Variants in ARHGAP6 observed in about 807,000 individuals in gnomAD.
The protein encoded by ARHGAP6 is Rho GTPase activating protein 6.
Under a neutral mutation model 55.7 loss-of-function variants are expected in ARHGAP6, and 16 were observed. That is an observed-to-expected ratio of 0.29 (90% CI 0.19 to 0.44). ARHGAP6 has a LOEUF of 0.44. Ranked by LOEUF, ARHGAP6 falls within the 20% of genes least tolerant of loss-of-function variation. ARHGAP6 has a pLI of 1.00. For synonymous variants in ARHGAP6, 382 were observed against 360.9 expected, an observed-to-expected ratio of 1.06 and a Z score of -0.66; for missense variants, 698 against 808.9, an observed-to-expected ratio of 0.86 and a Z score of 1.66.
intron 1 of ARHGAP6, among the ~76,000 whole-genome samples, chrX:11,279,156 T>C (rs929328173): frequency 2.7e-5 from 3 of 112,044 alleles, no homozygotes; most frequent in African/African-American, 6.5e-5. Flanking sequence ...GTTTTTCTAT[T>C]GCCAGAATTT....
chrX:11,625,945 A>G (rs1158391651), intron 1 of ARHGAP6, among the ~76,000 whole-genome samples: 1 of 111,941 alleles, frequency 8.9e-6, no homozygotes, highest in Non-Finnish European at 1.9e-5. Context: ...TATTCTCAAC[A>G]CATTTTCACA....
intron 1 of ARHGAP6, among the ~76,000 whole-genome samples, chrX:11,365,920 T>G (rs192004735): frequency 1.8e-5 from 2 of 112,437 alleles, no homozygotes; most frequent in East Asian, 5.6e-4. Context: ...GAGATCATGG[T>G]GCCAGCAGAG....
chrX:11,272,984 C>T (rs966319908), intron 1 of ARHGAP6, among the ~76,000 whole-genome samples: 1 of 111,776 alleles, frequency 8.9e-6, no homozygotes, highest in Non-Finnish European at 1.9e-5. Flanking sequence ...CCTCAATTAC[C>T]TGCTCTGTAA....
chrX:11,166,886 A>C (rs756206438), intron 9 of ARHGAP6, among the ~76,000 whole-genome samples: 42 of 111,889 alleles, frequency 3.8e-4, no homozygotes, highest in Non-Finnish European at 4.5e-4. Context: ...CTTTTCATAG[A>C]CCAAGACTTG....
At position 11,265,778 on chromosome X, in the gene ARHGAP6, A is replaced by AT. The variant is rs779033736; in HGVS notation, c.589-11072dup. 203 of 928,042 alleles carry AT rather than the reference A, an allele frequency of 2.2e-4. No individual in the cohort carries two copies. The African/African-American group carries it at 3.9e-3, about 18-fold the overall frequency. 76.5% of individuals were successfully genotyped at this position (928,042 alleles called of 1,213,427 possible). On this transcript the variant is annotated intron_variant, in intron 1 of 12. Coordinates refer to ENST00000337414, the MANE Select transcript of ARHGAP6 (RefSeq NM_013427.3). ...AAGTTGAGTCTGTTTTAAAAAAATT[A>AT]TTTTTTTGGTAAAAAATGCATCCTG...
chrX:11,156,565 A>G lies in ARHGAP6; in HGVS notation c.1871T>C (p.Val624Ala). The G allele has an allele frequency of 8.3e-7, 1 of 1,211,706 alleles. No homozygotes were observed. The highest frequency in any genetic ancestry group is 1.1e-6 in the Non-Finnish European group (1 of 895,327). ...ISLLETDPDVVDYLLRRKASQ... is the reference protein window; with the variant it reads ...ISLLETDPDVADYLLRRKASQ... Reference sequence around the variant, plus strand: ...AGCCTTTCTTCTGAGTAAATAGTCCACGACATCAGGATCGGTCTCTAACAG... The same window carrying G: ...AGCCTTTCTTCTGAGTAAATAGTCCGCGACATCAGGATCGGTCTCTAACAG... The change falls in exon 10 of 13, where the codon GTG becomes GCG. Residue 624 changes from valine (V) to alanine (A), a missense_variant. Val to Ala is a moderately conservative substitution (Grantham distance 64). Around this residue, in one of 3 missense-constraint regions of ARHGAP6, gnomAD observed 322 missense variants for 451.1 expected, o/e 0.71. Transcript: ENST00000337414.
rs759083863 is a variant in ARHGAP6 at position 11,263,044 on chromosome X, G to T, written c.589-8337C>A. 3.6e-5 allele frequency among the ~76,000 whole-genome samples: 4 copies of T among 110,671 alleles called. No homozygotes were observed. In the East Asian group the frequency reaches 1.1e-3, roughly 32 times the overall value. ...TTTGCATCACCATCTGATGTGGTTT[G>T]GATGTTTGTCCCCTCCAAATCTCAT... On this transcript the variant is annotated intron_variant, in intron 1 of 12. Coordinates refer to ENST00000337414, the MANE Select transcript of ARHGAP6 (RefSeq NM_013427.3).
chrX:11,227,730 C>T (rs1345294964), intron 2 of ARHGAP6, among the ~76,000 whole-genome samples: 1 of 110,636 alleles, frequency 9.0e-6, no homozygotes, highest in Non-Finnish European at 1.9e-5. Flanking sequence ...TGAAGGAACT[C>T]ACCGTTACTC....
intron 1 of ARHGAP6, among the ~76,000 whole-genome samples, chrX:11,495,716 C>T (rs1487001694): frequency 1.8e-5 from 2 of 112,059 alleles, no homozygotes; most frequent in Admixed American, 9.5e-5. Flanking sequence ...TCCCTTTGAG[C>T]GTGAGCTGGT....
intron 1 of ARHGAP6, among the ~76,000 whole-genome samples, chrX:11,590,866 G>GAAAAGAAAAGAAAAGAAAAGAA: frequency 2.2e-5 from 1 of 46,199 alleles, no homozygotes; most frequent in Non-Finnish European, 3.9e-5. Flanking sequence ...GAAAAGAAAA[G>GAAAAGAAAAGAAAAGAAAAGAA]AAGGAAAGAA....
At chrX:11,575,516 T>C (rs917357893) in intron 1 of ARHGAP6, among the ~76,000 whole-genome samples, 1 of 111,341 alleles carries the variant, frequency 9.0e-6, no homozygotes, top group African/African-American at 3.3e-5. Context: ...TACCAGAGGT[T>C]AGAAAGACAG....
In ARHGAP6 at chrX:11,370,893, AAAC is replaced by A. The variant is rs751345129; in HGVS notation, c.589-116189_589-116187del. On this transcript the variant is annotated intron_variant, in intron 1 of 12. Coordinates refer to ENST00000337414, the MANE Select transcript of ARHGAP6 (RefSeq NM_013427.3). ...CAGGTCATTTTCAAAGTATGCTTAC[AAAC>A]AACAACAACAACAACAACAACAACA... Among the ~76,000 whole-genome samples, 873 of 110,110 alleles carry A rather than the reference AAAC, an allele frequency of 7.9e-3. 6 individuals are homozygous for A. Among genetic ancestry groups the A allele is most frequent in the African/African-American group, 0.026 (779 of 30,322 alleles).
chrX:11,584,383 C>A (rs1670433207), intron 1 of ARHGAP6, among the ~76,000 whole-genome samples: 1 of 111,842 alleles, frequency 8.9e-6, no homozygotes, highest in Non-Finnish European at 1.9e-5. Flanking sequence ...CACTAAAAGT[C>A]TATGGGGGAG....
intron 1 of ARHGAP6, among the ~76,000 whole-genome samples, chrX:11,404,154 C>T (rs912496981): frequency 2.7e-5 from 3 of 111,682 alleles, no homozygotes; most frequent in East Asian, 2.8e-4. Context: ...GAGGCAAAGC[C>T]GTCTTCCTCA....
chrX:11,450,537 C>T (rs895511522), intron 1 of ARHGAP6, among the ~76,000 whole-genome samples: 1 of 111,581 alleles, frequency 9.0e-6, no homozygotes, highest in Non-Finnish European at 1.9e-5. Context: ...TGAGCCTGCC[C>T]TTTGTAATGC....
chrX:11,450,316 G>T (rs1307492900), intron 1 of ARHGAP6, among the ~76,000 whole-genome samples: 1 of 111,134 alleles, frequency 9.0e-6, no homozygotes, highest in Admixed American at 9.6e-5. Context: ...TAAAAAAACA[G>T]CTTGTTGGGC....
At chrX:11,579,862 G>A (rs1040356296) in intron 1 of ARHGAP6, among the ~76,000 whole-genome samples, 8 of 112,026 alleles carry the variant, frequency 7.1e-5, no homozygotes, top group African/African-American at 1.6e-4. Flanking sequence ...TCAAAACTGC[G>A]TCAGGAGACA....
chrX:11,588,027 G>C (rs1402367774), intron 1 of ARHGAP6, among the ~76,000 whole-genome samples: 1 of 111,977 alleles, frequency 8.9e-6, no homozygotes, highest in Admixed American at 9.5e-5. Flanking sequence ...ATTTTCTGCT[G>C]TTAAAAAGAG....
intron 1 of ARHGAP6, among the ~76,000 whole-genome samples, chrX:11,321,724 T>C (rs1244140066): frequency 9.0e-6 from 1 of 111,506 alleles, no homozygotes; most frequent in African/African-American, 3.3e-5. Context: ...TTCTAAAGAG[T>C]ACAAATAAAG....
Sources: allele counts gnomAD v4.1 joint callset (sites outside exome capture counted in the v4.1 genomes callset), GRCh38; gene constraint gnomAD v4.1.1; regional missense constraint gnomAD v4.1.1; transcripts MANE v1.5; gene names NCBI Gene and HGNC (gene_info 2026-07-23, HGNC 2026-07-21).